VGLL4: variants seen among roughly 807,000 people sequenced by gnomAD.
VGLL4 encodes the protein transcription cofactor vestigial-like protein 4.
Under a neutral mutation model 21.0 loss-of-function variants are expected in VGLL4, and 7 were observed. That is an observed-to-expected ratio of 0.33 (90% CI 0.19 to 0.63). VGLL4 has a LOEUF of 0.63. VGLL4 is among the 20% of genes least tolerant of loss of function. VGLL4 has a pLI of 0.78. For synonymous variants in VGLL4, 222 were observed against 173.2 expected (o/e 1.28, Z -2.21); for missense variants, 394 against 425.7 (o/e 0.93, Z 0.66).
chr3:11,614,437 G>A (rs1027281076), intron 1 of VGLL4, among the ~76,000 whole-genome samples: 1 of 152,238 alleles, frequency 6.6e-6, no homozygotes, highest in Non-Finnish European at 1.5e-5. Context: ...GGTGGTCCCG[G>A]AAACCAGTTC....
At position 11,696,347 on chromosome 3, in the gene VGLL4, C is replaced by G. The variant is rs143807434; in HGVS notation, c.64+6624G>C. ...TAGAGTCAGTACTCCAGAAAATGGT[C>G]ACTCCCTTTGGTGAAACCTATTTGT... On this transcript the variant is annotated intron_variant, in intron 2 of 5. Coordinates refer to the VGLL4 transcript ENST00000273038. 4.1e-3 allele frequency among the ~76,000 whole-genome samples: 630 copies of G among 152,292 alleles called. 3 individuals are homozygous for G. The highest frequency in any genetic ancestry group is 0.014 in the African/African-American group (586 of 41,558).
intron 1 of VGLL4, among the ~76,000 whole-genome samples, chr3:11,611,059 G>A (rs73027120): frequency 0.14 from 21,836 of 151,074 alleles, 2,322 homozygotes; most frequent in East Asian, 0.31. Context: ...ATCTTTCTAG[G>A]TGTGCAAGAT....
intron 2 of VGLL4, among the ~76,000 whole-genome samples, chr3:11,678,006 A>C (rs1171820568): frequency 6.6e-6 from 1 of 152,006 alleles, no homozygotes; most frequent in East Asian, 1.9e-4. Flanking sequence ...GCTTCAACGG[A>C]CGCCATCATT....
intron 2 of VGLL4, among the ~76,000 whole-genome samples, chr3:11,700,283 T>G (rs1380256470): frequency 2.0e-5 from 3 of 152,164 alleles, no homozygotes; most frequent in Non-Finnish European, 4.4e-5. Flanking sequence ...TACCCTGAGG[T>G]AATTATTTCT....
intron 2 of VGLL4, among the ~76,000 whole-genome samples, chr3:11,595,641 G>C (rs372137413): frequency 3.4e-4 from 51 of 152,224 alleles, no homozygotes; most frequent in Middle Eastern, 6.8e-3. Flanking sequence ...ATACATCATG[G>C]AATACTATGC....
intron 2 of VGLL4, among the ~76,000 whole-genome samples, chr3:11,667,028 TAC>T (rs1325358381): frequency 2.0e-5 from 3 of 152,234 alleles, no homozygotes; most frequent in Non-Finnish European, 4.4e-5. Flanking sequence ...CTTCTATCTC[TAC>T]AGTCTTTCAC....
At chr3:11,656,790 C>A (rs928164561) in intron 2 of VGLL4, among the ~76,000 whole-genome samples, 24 of 152,172 alleles carry the variant, frequency 1.6e-4, no homozygotes, top group African/African-American at 5.6e-4. Context: ...TAGCCAGGCT[C>A]TGAGGACTAG....
At chr3:11,626,543 A>G (rs1281426013) in intron 1 of VGLL4, 2 of 410,854 alleles carry the variant, frequency 4.9e-6, no homozygotes, top group Non-Finnish European at 9.7e-6. Context: ...TGAAGGTACC[A>G]TGACTATTCC....
intron 3 of VGLL4, 113 bp downstream of exon 3, chr3:11,564,684 C>T: frequency 7.6e-7 from 1 of 1,319,916 alleles, no homozygotes; most frequent in Non-Finnish European, 1.0e-6. Context: ...CTCCCTCCCT[C>T]ACCACCTCCC....
rs1223943185 is a variant in VGLL4 at position 11,558,700 on chromosome 3, T to C, written c.747A>G (p.Lys249=). The change falls in exon 5 of 5, where the codon AAA becomes AAG. Residue 249 remains lysine, a synonymous_variant. Transcript: ENST00000430365. Reference sequence around the variant, plus strand: ...TCTGGAGCCACGTGTCACCCAGAGCTTTGGCAAAGTGGTCGTCCACGGAGC... The same window carrying C: ...TCTGGAGCCACGTGTCACCCAGAGCCTTGGCAAAGTGGTCGTCCACGGAGC... The part of the protein sequence containing the change: ...ITGSVDDHFA[K]ALGDTWLQIK... 2 of 1,613,896 alleles carry C rather than the reference T, an allele frequency of 1.2e-6. No individual in the cohort carries two copies. Among genetic ancestry groups the C allele is most frequent in the African/African-American group, 2.7e-5 (2 of 74,910 alleles).
intron 2 of VGLL4, among the ~76,000 whole-genome samples, chr3:11,668,640 C>CCCAGTGGCCA (rs1178588230): frequency 3.3e-5 from 5 of 152,160 alleles, no homozygotes; most frequent in Non-Finnish European, 7.3e-5. Flanking sequence ...AGTATAAAGT[C>CCCAGTGGCCA]CAAGCCTCTG....
intron 2 of VGLL4, among the ~76,000 whole-genome samples, chr3:11,698,617 T>A (rs993708250): frequency 6.6e-6 from 1 of 152,188 alleles, no homozygotes; most frequent in African/African-American, 2.4e-5. Context: ...TCAAGTTGTA[T>A]TTCCATTCAG....
chr3:11,664,703 G>C lies in VGLL4; in HGVS notation c.64+38268C>G, dbSNP rs149326739. On this transcript the variant is annotated intron_variant, in intron 2 of 5. Coordinates refer to the VGLL4 transcript ENST00000273038. ...CACCATTTACATTCTTGAATATTCCGGAAGTCCTACACTTAGGAAGAGGTA... is the reference window on the plus strand; with the variant it reads ...CACCATTTACATTCTTGAATATTCCCGAAGTCCTACACTTAGGAAGAGGTA... 8.5e-5 allele frequency among the ~76,000 whole-genome samples: 13 copies of C among 152,162 alleles called. No individual in the cohort carries two copies. The East Asian group carries it at 2.5e-3, about 29-fold the overall frequency.
intron 2 of VGLL4, among the ~76,000 whole-genome samples, chr3:11,587,413 A>G (rs936963464): frequency 3.9e-5 from 6 of 152,380 alleles, no homozygotes; most frequent in Non-Finnish European, 7.3e-5. Flanking sequence ...AACTTGCTCA[A>G]AAGCCAACGG....
intron 1 of VGLL4, among the ~76,000 whole-genome samples, chr3:11,641,118 C>CAAAAAAAAAA (rs10547055): frequency 1.1e-5 from 1 of 91,818 alleles, no homozygotes. Flanking sequence ...ACTTCATCAC[C>CAAAAAAAAAA]AAAAAAAAAA....
At position 11,558,475 on chromosome 3, in the gene VGLL4, ATTTTTTT is replaced by A. The variant is rs369629845; in HGVS notation, c.*74_*80del. 3 of 789,786 alleles carry A rather than the reference ATTTTTTT, an allele frequency of 3.8e-6. No homozygotes were observed. The highest frequency in any genetic ancestry group is 6.3e-5 in the Admixed American group (2 of 31,748). The allele number at this position is 789,786 out of a possible 1,614,324, so 48.9% of individuals were successfully genotyped here. A position where few individuals can be genotyped will look rare whatever the true frequency, so the allele number is the denominator to read the frequency against. On this transcript the variant is annotated 3_prime_UTR_variant, in exon 5 of 5. Transcript: ENST00000430365. ...CCCTTCCCCCCACCCCACCCCCATG[ATTTTTTT>A]TTTTTTAAGTACTGACTGTTCAAAG...
At chr3:11,564,643 A>G in intron 3 of VGLL4, 154 bp downstream of exon 3, 2 of 841,930 alleles carry the variant, frequency 2.4e-6, no homozygotes, top group Non-Finnish European at 3.6e-6. Context: ...CCAAGTGCAC[A>G]ACAGAGGCGA....
At chr3:11,599,244 T>C (rs1007753877) in intron 2 of VGLL4, among the ~76,000 whole-genome samples, 1 of 152,048 alleles carries the variant, frequency 6.6e-6, no homozygotes, top group African/African-American at 2.4e-5. Flanking sequence ...CCTTTCCTCC[T>C]TACACTGTAC....
rs555851097 is a variant in VGLL4, at chr3:11,653,006, C to T, written c.64+49965G>A. Among the ~76,000 whole-genome samples, 24 of 152,254 alleles carry T rather than the reference C, an allele frequency of 1.6e-4. No individual in the cohort carries two copies. In the South Asian group the frequency reaches 4.8e-3, roughly 30 times the overall value. On this transcript the variant is annotated intron_variant, in intron 2 of 5. Transcript: ENST00000273038. This position sits in a 1 kb window ranked among gnomAD's most constrained non-coding sequence, Gnocchi z 4.2. ...AGTCATAATTACTCATAGATGTATTCCTGCAAGATTGACTAGAACTGACTT... is the reference window on the plus strand; with the variant it reads ...AGTCATAATTACTCATAGATGTATTTCTGCAAGATTGACTAGAACTGACTT...
Sources: gnomAD v4.1 joint callset for allele counts (sites outside exome capture counted in the v4.1 genomes callset) on GRCh38, gnomAD v4.1.1 for gene constraint, Gnocchi (gnomAD v3.1) non-coding constraint, MANE v1.5 for transcripts, NCBI Gene and HGNC (gene_info 2026-07-23, HGNC 2026-07-21) for gene names.